The following CTNNA3 variants were observed in gnomAD, a reference collection of about 807,000 sequenced individuals.
CTNNA3 encodes the protein catenin alpha-3.
Under a neutral mutation model 95.7 loss-of-function variants are expected in CTNNA3, and 76 were observed. That is an observed-to-expected ratio of 0.79 (90% CI 0.66 to 0.96). The LOEUF is 0.96. Among genes scored for constraint, CTNNA3 ranks in the 40% least tolerant of loss-of-function variants. The pLI, the probability that CTNNA3 is intolerant of heterozygous loss-of-function variation, is 0.00. For synonymous variants in CTNNA3, 431 were observed against 374.4 expected (o/e 1.15, Z -1.74); for missense variants, 1,191 against 1,089.8 (o/e 1.09, Z -1.31).
At chr10:66,712,606 T>TCACACACACACACACACACACACACACA (rs879288075) in intron 9 of CTNNA3, among the ~76,000 whole-genome samples, 1 of 149,264 alleles carries the variant, frequency 6.7e-6, no homozygotes, top group South Asian at 2.1e-4. Context: ...TCTCTCTCTC[T>TCACACACACACACACACACACACACACA]CTCACACACA....
chr10:67,449,066 C>T (rs899707412), intron 5 of CTNNA3, among the ~76,000 whole-genome samples: 5 of 151,566 alleles, frequency 3.3e-5, no homozygotes, highest in Middle Eastern at 3.4e-3. Context: ...CCAAATCAGC[C>T]GAATCTCATT....
chr10:67,346,329 T>C (rs1288040914), intron 5 of CTNNA3, among the ~76,000 whole-genome samples: 1 of 152,186 alleles, frequency 6.6e-6, no homozygotes, highest in Non-Finnish European at 1.5e-5. Context: ...ATGAGTTTTG[T>C]ACCTTCAGGT....
chr10:67,700,187 TG>T (rs1291700659), upstream of CTNNA3, among the ~76,000 whole-genome samples: 1 of 152,230 alleles, frequency 6.6e-6, no homozygotes, highest in Non-Finnish European at 1.5e-5. Flanking sequence ...GCTCCACCTC[TG>T]GGGGCAGGGC....
intron 13 of CTNNA3, among the ~76,000 whole-genome samples, chr10:66,108,510 C>T (rs1027511711): frequency 2.6e-5 from 4 of 152,118 alleles, no homozygotes; most frequent in Admixed American, 2.6e-4. Context: ...AAAGTTAACC[C>T]TTTTCCCCAT....
At chr10:66,368,498 C>T (rs537905125) in intron 12 of CTNNA3, among the ~76,000 whole-genome samples, 16 of 151,708 alleles carry the variant, frequency 1.1e-4, no homozygotes, top group African/African-American at 3.4e-4. Flanking sequence ...GTTATTTTAA[C>T]GGGATGTTAG....
intron 13 of CTNNA3, among the ~76,000 whole-genome samples, chr10:66,200,291 T>C (rs991943429): frequency 1.1e-4 from 16 of 151,768 alleles, no homozygotes; most frequent in African/African-American, 3.6e-4. Flanking sequence ...GGGAACAGTG[T>C]TTCATATAAA....
intron 8 of CTNNA3, among the ~76,000 whole-genome samples, chr10:66,774,037 CT>C (rs1840198008): frequency 6.6e-6 from 1 of 152,096 alleles, no homozygotes; most frequent in Non-Finnish European, 1.5e-5. Context: ...TTTGCTAAAT[CT>C]GGTAATTCCA....
chr10:66,124,563 A>G (rs1214138924), intron 13 of CTNNA3, among the ~76,000 whole-genome samples: 1 of 152,134 alleles, frequency 6.6e-6, no homozygotes, highest in Non-Finnish European at 1.5e-5. Flanking sequence ...ACTGGTACCA[A>G]TTTACTGTAT....
chr10:66,620,948 T>A (rs1844723670), intron 10 of CTNNA3, among the ~76,000 whole-genome samples: 1 of 152,168 alleles, frequency 6.6e-6, no homozygotes, highest in South Asian at 2.1e-4. Flanking sequence ...ATCCGTATTA[T>A]ATCCTGCTTC....
chr10:67,306,457 C>A (rs1209693053), intron 5 of CTNNA3, among the ~76,000 whole-genome samples: 1 of 152,146 alleles, frequency 6.6e-6, no homozygotes, highest in African/African-American at 2.4e-5. Context: ...AAAGAAAACT[C>A]TCAGGTACAC....
At chr10:66,957,979 G>C (rs374579621) in intron 7 of CTNNA3, among the ~76,000 whole-genome samples, 1 of 151,988 alleles carries the variant, frequency 6.6e-6, no homozygotes, top group African/African-American at 2.4e-5. Flanking sequence ...ATAAAGGTGA[G>C]CCTCTGTGGC....
intron 17 of CTNNA3, among the ~76,000 whole-genome samples, chr10:65,932,709 C>G (rs568947299): frequency 6.6e-6 from 1 of 152,144 alleles, no homozygotes; most frequent in Non-Finnish European, 1.5e-5. Flanking sequence ...TGGCTAAGGT[C>G]TCCCAACACA....
At chr10:65,974,205 A>G (rs1331674499) in intron 16 of CTNNA3, among the ~76,000 whole-genome samples, 2 of 152,212 alleles carry the variant, frequency 1.3e-5, no homozygotes, top group East Asian at 1.9e-4. Flanking sequence ...AACTTAAAAC[A>G]TAACTAACAT....
intron 7 of CTNNA3, among the ~76,000 whole-genome samples, chr10:66,849,028 G>T (rs1240467006): frequency 6.6e-6 from 1 of 152,202 alleles, no homozygotes; most frequent in Non-Finnish European, 1.5e-5. Flanking sequence ...CCAGATTCCA[G>T]ATGGATACAA....
intron 3 of CTNNA3, among the ~76,000 whole-genome samples, chr10:67,549,410 C>T (rs1048997412): frequency 6.6e-6 from 1 of 152,026 alleles, no homozygotes; most frequent in Non-Finnish European, 1.5e-5. Context: ...CCCTGGAGAC[C>T]CCATAGAGCT....
At chr10:65,992,459 A>T (rs1479956014) in intron 15 of CTNNA3, among the ~76,000 whole-genome samples, 1 of 151,802 alleles carries the variant, frequency 6.6e-6, no homozygotes, top group Non-Finnish European at 1.5e-5. Context: ...TATTTTTTCC[A>T]CACTTGATCT....
chr10:66,076,973 C>T (rs997189861), intron 14 of CTNNA3, among the ~76,000 whole-genome samples: 4 of 151,538 alleles, frequency 2.6e-5, no homozygotes, highest in African/African-American at 9.7e-5. Flanking sequence ...TAGTTTCTCT[C>T]CTTGTTCTAG....
intron 17 of CTNNA3, among the ~76,000 whole-genome samples, chr10:65,924,761 A>T (rs1786925): frequency 0.15 from 22,889 of 152,026 alleles, 2,122 homozygotes; most frequent in South Asian, 0.23. Context: ...GGTAATTTAT[A>T]AAGGAAAGAG....
chr10:67,557,733 C>A (rs988647403), intron 3 of CTNNA3, among the ~76,000 whole-genome samples: 4 of 152,110 alleles, frequency 2.6e-5, no homozygotes, highest in Non-Finnish European at 5.9e-5. Flanking sequence ...AGAATTTCTG[C>A]AAGGCCCAGA....
Sources: allele counts gnomAD v4.1 joint callset (sites outside exome capture counted in the v4.1 genomes callset), GRCh38; gene constraint gnomAD v4.1.1; transcripts MANE v1.5; gene names NCBI Gene and HGNC (gene_info 2026-07-23, HGNC 2026-07-21).